The following CTNNA2 variants were observed in gnomAD, a reference collection of about 807,000 sequenced individuals.
The protein encoded by CTNNA2 is catenin alpha-2.
Under a neutral mutation model 101.0 loss-of-function variants are expected in CTNNA2, and 42 were observed. That is an observed-to-expected ratio of 0.42 (90% CI 0.32 to 0.54). The LOEUF (loss-of-function observed/expected upper bound fraction) is 0.54, where lower values mean the gene tolerates loss of function less well. Ranked by LOEUF, CTNNA2 falls within the 20% of genes least tolerant of loss-of-function variation. The pLI is 0.14. For synonymous variants in CTNNA2, 450 were observed against 456.4 expected (o/e 0.99, Z 0.18); for missense variants, 871 against 1,223.1 (o/e 0.71, Z 4.29).
At chr2:80,393,829 A>G (rs996886463) in intron 8 of CTNNA2, among the ~76,000 whole-genome samples, 6 of 152,156 alleles carry the variant, frequency 3.9e-5, no homozygotes, top group African/African-American at 1.2e-4. Flanking sequence ...CATTAGTTTG[A>G]TGGGTCTATT....
chr2:80,606,367 A>AACAC (rs67402125), intron 16 of CTNNA2, among the ~76,000 whole-genome samples: 2,184 of 137,452 alleles, frequency 0.016, 18 homozygotes, highest in African/African-American at 0.022. Context: ...AAACACATCA[A>AACAC]ACACACACAC....
chr2:80,387,921 G>T (rs754566478), intron 7 of CTNNA2, among the ~76,000 whole-genome samples: 1 of 152,140 alleles, frequency 6.6e-6, no homozygotes, highest in Non-Finnish European at 1.5e-5. Context: ...GAGTAGTCCC[G>T]CCTGGCTTCG....
At chr2:80,597,001 A>G (rs1206029034) in intron 15 of CTNNA2, among the ~76,000 whole-genome samples, 1 of 152,164 alleles carries the variant, frequency 6.6e-6, no homozygotes, top group African/African-American at 2.4e-5. Context: ...TTATGTGATT[A>G]ATTACATTTA....
chr2:79,256,396 T>C (rs985327136), intron 2 of CTNNA2, among the ~76,000 whole-genome samples: 1 of 152,212 alleles, frequency 6.6e-6, no homozygotes, highest in African/African-American at 2.4e-5. Flanking sequence ...CCATCATTTA[T>C]GTTTGAATCT....
intron 4 of CTNNA2, among the ~76,000 whole-genome samples, chr2:79,429,848 C>T (rs947908414): frequency 2.6e-5 from 4 of 152,062 alleles, no homozygotes; most frequent in Admixed American, 2.0e-4. Context: ...TTCCAGGAGG[C>T]TGGTATTAAA....
At chr2:79,383,109 A>G (rs1386059981) in intron 4 of CTNNA2, among the ~76,000 whole-genome samples, 3 of 152,214 alleles carry the variant, frequency 2.0e-5, no homozygotes. Flanking sequence ...ATGAAAAAGC[A>G]TTTGTGAATT....
intron 1 of CTNNA2, among the ~76,000 whole-genome samples, chr2:79,554,028 C>G (rs569043277): frequency 1.3e-5 from 2 of 152,228 alleles, no homozygotes; most frequent in African/African-American, 4.8e-5. Flanking sequence ...GTTTTCCTTT[C>G]ACACTACAAA....
At chr2:80,097,506 G>C (rs988989221) in intron 7 of CTNNA2, among the ~76,000 whole-genome samples, 3 of 152,128 alleles carry the variant, frequency 2.0e-5, no homozygotes, top group Non-Finnish European at 4.4e-5. Flanking sequence ...TTCTCGAGGA[G>C]TATCTTTGTG....
chr2:79,532,144 A>C (rs971693414), intron 1 of CTNNA2, among the ~76,000 whole-genome samples: 1 of 152,100 alleles, frequency 6.6e-6, no homozygotes, highest in African/African-American at 2.4e-5. Context: ...TGCTGAACTG[A>C]CCAATTTCTG....
At chr2:79,705,895 A>G (rs922317670) in intron 2 of CTNNA2, among the ~76,000 whole-genome samples, 1 of 152,194 alleles carries the variant, frequency 6.6e-6, no homozygotes. Context: ...ATAATTATGA[A>G]TCAATAAGTA....
At chr2:80,510,372 G>T (rs1027046474) in intron 9 of CTNNA2, among the ~76,000 whole-genome samples, 1 of 151,996 alleles carries the variant, frequency 6.6e-6, no homozygotes, top group Admixed American at 6.6e-5. Context: ...ATACTGTTAC[G>T]TGAAGTCTCC....
chr2:79,469,167 A>G lies in CTNNA2; in HGVS notation c.-134-35887A>G, dbSNP rs1670970686. 2.6e-5 allele frequency among the ~76,000 whole-genome samples: 4 copies of G among 152,324 alleles called. 1 individual carries two copies. The South Asian group carries it at 8.3e-4, about 32-fold the overall frequency. On this transcript the variant is annotated intron_variant, in intron 4 of 21. Coordinates refer to the CTNNA2 transcript ENST00000466387. Reference sequence around the variant, plus strand: ...AAAGAAGAAAAGAGAGAAGAATCAAATAGATGCACTAAAAAATGATAAAGA... The same window carrying G: ...AAAGAAGAAAAGAGAGAAGAATCAAGTAGATGCACTAAAAAATGATAAAGA...
intron 7 of CTNNA2, among the ~76,000 whole-genome samples, chr2:80,090,031 A>T (rs563372321): frequency 1.3e-5 from 2 of 151,902 alleles, no homozygotes; most frequent in Non-Finnish European, 2.9e-5. Flanking sequence ...AGGATGTGGG[A>T]TGTTCATTCA....
intron 9 of CTNNA2, among the ~76,000 whole-genome samples, chr2:80,437,383 G>A (rs565064611): frequency 3.9e-5 from 6 of 152,224 alleles, no homozygotes; most frequent in Admixed American, 3.9e-4. Context: ...ATTTGGTTAT[G>A]GAAAACAAGG....
intron 2 of CTNNA2, among the ~76,000 whole-genome samples, chr2:79,206,983 A>T (rs1276280360): frequency 1.3e-5 from 2 of 152,086 alleles, no homozygotes; most frequent in Non-Finnish European, 2.9e-5. Context: ...AGTGTAGGTG[A>T]CAGTATCACA....
intron 3 of CTNNA2, among the ~76,000 whole-genome samples, chr2:79,782,813 A>G (rs1460770556): frequency 6.6e-6 from 1 of 152,150 alleles, no homozygotes; most frequent in Non-Finnish European, 1.5e-5. Context: ...CAAGGGGAAG[A>G]GTGCAAATCC....
intron 9 of CTNNA2, among the ~76,000 whole-genome samples, chr2:80,441,525 A>C (rs1682574942): frequency 6.6e-6 from 1 of 152,198 alleles, no homozygotes; most frequent in African/African-American, 2.4e-5. Flanking sequence ...AAAAATATAT[A>C]AAAGCAGCCT....
chr2:80,167,019 ACTT>A (rs949644413), intron 7 of CTNNA2, among the ~76,000 whole-genome samples: 138 of 152,020 alleles, frequency 9.1e-4, no homozygotes, highest in African/African-American at 3.2e-3. Context: ...AGCCAGCCTG[ACTT>A]CTTCTTGCAT....
chr2:80,044,067 A>G (rs1363726760), intron 7 of CTNNA2, among the ~76,000 whole-genome samples: 1 of 152,208 alleles, frequency 6.6e-6, no homozygotes, highest in Non-Finnish European at 1.5e-5. Flanking sequence ...ATATATCCTC[A>G]TAGGCCTTTT....
Sources: gnomAD v4.1 joint callset for allele counts (sites outside exome capture counted in the v4.1 genomes callset) on GRCh38, gnomAD v4.1.1 for gene constraint, MANE v1.5 for transcripts, NCBI Gene and HGNC (gene_info 2026-07-23, HGNC 2026-07-21) for gene names.